Variants in NLRP5 observed in about 807,000 individuals in gnomAD.
NLRP5 encodes the protein NLR family pyrin domain containing 5, also known as NACHT, LRR and PYD domains-containing protein 5.
A neutral mutation model predicts 113.1 loss-of-function variants in NLRP5; 93 were observed. The observed-to-expected ratio is 0.82, with a 90% CI of 0.70 to 0.98. The LOEUF is 0.98. NLRP5 is among the 50% of genes least tolerant of loss of function. The pLI, the probability that NLRP5 is intolerant of heterozygous loss-of-function variation, is 0.00. For missense variants in NLRP5, 1,808 were observed against 1,514.3 expected (o/e 1.19, Z -3.22); for synonymous variants, 751 against 600.7 (o/e 1.25, Z -3.66).
chr19:56,015,892 C>T (rs1982385700), intron 4 of NLRP5, 94 bp downstream of exon 4: 3 of 903,800 alleles, frequency 3.3e-6, no homozygotes, highest in Non-Finnish European at 3.3e-6. Flanking sequence ...AATCCACTTT[C>T]CCTTTCTTCA....
At chr19:56,003,596 G>A in intron 1 of NLRP5, 140 bp from the exon 2 acceptor site, 3 of 995,886 alleles carry the variant, frequency 3.0e-6, no homozygotes, top group Non-Finnish European at 4.4e-6. Flanking sequence ...AGGATAAACA[G>A]ATATTGTGGC....
chr19:55,993,050 T>G, the NLRP5 span, among the ~76,000 whole-genome samples: 5 of 151,928 alleles, frequency 3.3e-5, no homozygotes, highest in Admixed American at 3.3e-4. Context: ...GGTTTCTCCA[T>G]GTTGGTCAGG....
At chr19:56,060,678 G>A (rs1441368379) in intron 14 of NLRP5, among the ~76,000 whole-genome samples, 1 of 152,134 alleles carries the variant, frequency 6.6e-6, no homozygotes, top group Non-Finnish European at 1.5e-5. Flanking sequence ...GTAAGGAACA[G>A]ATGCCTTTAA....
chr19:56,008,405 T>C (rs1982034039), intron 2 of NLRP5, among the ~76,000 whole-genome samples: 1 of 152,122 alleles, frequency 6.6e-6, no homozygotes, highest in Non-Finnish European at 1.5e-5. Context: ...TTGTAAGTTG[T>C]TGAAGGTACC....
At chr19:56,025,400 C>CTCTCTCTCTCTCTCTCTCTCTCTCTCTG (rs1982801667) in intron 6 of NLRP5, among the ~76,000 whole-genome samples, 2 of 151,634 alleles carry the variant, frequency 1.3e-5, no homozygotes, top group Non-Finnish European at 2.9e-5. Context: ...CTCTCTCTCT[C>CTCTCTCTCTCTCTCTCTCTCTCTCTCTG]TCTCTGTCTC....
At chr19:56,025,169 T>G (rs1016310526) in intron 6 of NLRP5, among the ~76,000 whole-genome samples, 1 of 152,178 alleles carries the variant, frequency 6.6e-6, no homozygotes. Flanking sequence ...GTGAGTTGTA[T>G]GATTATTTCA....
intron 11 of NLRP5, among the ~76,000 whole-genome samples, chr19:56,041,469 A>G (rs1031877846): frequency 1.3e-5 from 2 of 151,978 alleles, no homozygotes; most frequent in Non-Finnish European, 2.9e-5. Context: ...AATGTATTTC[A>G]TGTTTCTGTT....
chr19:56,003,858 C>G lies in NLRP5; in HGVS notation c.205C>G (p.Leu69Val). The change falls in exon 2 of 15, where the codon CTC (leucine) becomes GTC (valine). Residue 69 changes from leucine to valine, a missense_variant. Transcript: ENST00000390649. ...TTCCAGCTACGGGCTGCAATGGTGT[C>G]TCTATGAGCTAGACAAGGAAGAATT... The G allele has an allele frequency of 6.2e-7, 1 of 1,613,932 alleles. No homozygotes were observed. The highest frequency in any genetic ancestry group is 1.7e-4 in the Middle Eastern group (1 of 6,060).
At chr19:56,038,293 T>C (rs781449356) in intron 10 of NLRP5, 98 bp downstream of exon 10, 36 of 1,331,872 alleles carry the variant, frequency 2.7e-5, no homozygotes, top group Non-Finnish European at 3.6e-5. Flanking sequence ...AATGAGCAGA[T>C]GTACAAACCA....
intron 11 of NLRP5, among the ~76,000 whole-genome samples, chr19:56,044,523 TGTAA>T (rs1174965510): frequency 6.6e-6 from 1 of 152,230 alleles, no homozygotes; most frequent in African/African-American, 2.4e-5. Flanking sequence ...ATCCGTTGGC[TGTAA>T]GTATTTGGGT....
At chr19:56,004,788 T>TTGGC (rs1981790623) in intron 2 of NLRP5, among the ~76,000 whole-genome samples, 3 of 152,088 alleles carry the variant, frequency 2.0e-5, no homozygotes, top group African/African-American at 7.2e-5. Context: ...AGCCCTTGAA[T>TTGGC]TGGCCCTACA....
intron 13 of NLRP5, among the ~76,000 whole-genome samples, chr19:56,057,608 T>C (rs986631024): frequency 3.3e-5 from 5 of 152,334 alleles, no homozygotes; most frequent in East Asian, 1.9e-4. Context: ...TTCCTTGTTA[T>C]GTTTCCTTGC....
chr19:56,033,451 G>A, intron 8 of NLRP5, 91 bp from the exon 9 acceptor site: 1 of 990,272 alleles, frequency 1.0e-6, no homozygotes, highest in South Asian at 1.6e-5. Flanking sequence ...TTAGAAATTT[G>A]CAAGTTAGAA....
intron 12 of NLRP5, among the ~76,000 whole-genome samples, chr19:56,052,250 T>G (rs1443838628): frequency 1.8e-5 from 2 of 112,408 alleles, no homozygotes; most frequent in African/African-American, 5.3e-5. Flanking sequence ...TGTTTTGTTT[T>G]GTTTTTGTTT....
rs373062759 is a variant in NLRP5, at chr19:56,026,973, A to G, written c.740A>G (p.Glu247Gly). 91 of 1,551,616 alleles carry G rather than the reference A, an allele frequency of 5.9e-5. No homozygotes were observed. The highest frequency in any genetic ancestry group is 7.3e-5 in the Non-Finnish European group (84 of 1,147,014). Residue 247 changes from glutamate (E) to glycine (G), a missense_variant, in exon 7 of 15, where the codon GAG (glutamate) becomes GGG (glycine). Glu to Gly is a moderately conservative substitution (Grantham distance 98). Coordinates refer to ENST00000390649, the MANE Select transcript of NLRP5 (RefSeq NM_153447.4). ...GTGATGACCAAATTCGCTGAGGAGG[A>G]GGATGTACGTCGTAGTTTTGAAAAC...
chr19:56,010,755 A>AAAAAAAAAAAAAAAAAAAAAAAAAAAAAT (rs78321861), intron 3 of NLRP5, among the ~76,000 whole-genome samples: 1 of 125,982 alleles, frequency 7.9e-6, no homozygotes, highest in African/African-American at 3.0e-5. Context: ...AAAAAAAAAA[A>AAAAAAAAAAAAAAAAAAAAAAAAAAAAAT]GTCCCTTGAA....
At position 56,022,434 on chromosome 19, in the gene NLRP5, G is replaced by A. The variant is rs576117760; in HGVS notation, c.679+2003G>A. 4.6e-5 allele frequency among the ~76,000 whole-genome samples: 7 copies of A among 152,186 alleles called. No individual in the cohort carries two copies. The South Asian group carries it at 1.5e-3, about 32-fold the overall frequency. On this transcript the variant is annotated intron_variant, in intron 6 of 14. Transcript: ENST00000390649. The stretch of plus-strand genomic sequence containing the variant: ...AGGGGGCAGGGGGTCTCGCTATGTT[G>A]CTCAGTCTGGTCTTGAACTCCTGGC...
At chr19:56,033,101 A>T (rs1356572665) in intron 8 of NLRP5, among the ~76,000 whole-genome samples, 1 of 152,096 alleles carries the variant, frequency 6.6e-6, no homozygotes. Flanking sequence ...CAAAAAAAAA[A>T]TTAGCAGGGC....
At position 56,027,720 on chromosome 19, in the gene NLRP5, A is replaced by C. The variant is rs200883037; in HGVS notation, c.1487A>C (p.Gln496Pro). The C allele has an allele frequency of 3.8e-5, 62 of 1,613,386 alleles. No homozygotes were observed. Among genetic ancestry groups the C allele is most frequent in the Non-Finnish European group, 5.1e-5 (60 of 1,179,808 alleles). Residue 496 changes from glutamine to proline, a missense_variant, in exon 7 of 15, where the codon CAA becomes CCA. Physicochemically the swap from Gln to Pro is moderately conservative, Grantham distance 76. Coordinates refer to ENST00000390649, the MANE Select transcript of NLRP5 (RefSeq NM_153447.4). The stretch of plus-strand genomic sequence containing the variant: ...GGGGAGAGCGTCGCCCCCTTCAACC[A>C]AACGCTCACAGGCCTGCACGCCGCT...
Sources: allele counts gnomAD v4.1 joint callset (sites outside exome capture counted in the v4.1 genomes callset), GRCh38; gene constraint gnomAD v4.1.1; transcripts MANE v1.5; gene names NCBI Gene and HGNC (gene_info 2026-07-23, HGNC 2026-07-21).